Variants in SCFD2 observed in about 807,000 individuals in gnomAD.
SCFD2 encodes the protein sec1 family domain containing 2.
A neutral mutation model predicts 58.9 loss-of-function variants in SCFD2; 54 were observed. That is an observed-to-expected ratio of 0.92 (90% CI 0.74 to 1.15). The LOEUF (loss-of-function observed/expected upper bound fraction) is 1.15. Among genes scored for constraint, SCFD2 ranks in the 50% most tolerant of loss-of-function variants. The pLI, the probability that SCFD2 is intolerant of heterozygous loss-of-function variation, is 0.00. For missense variants in SCFD2, 805 were observed against 836.6 expected (o/e 0.96, Z 0.47); for synonymous variants, 321 against 335.9 (o/e 0.96, Z 0.49).
chr4:53,329,251 A>G (rs886484181), intron 2 of SCFD2, among the ~76,000 whole-genome samples: 1 of 152,212 alleles, frequency 6.6e-6, no homozygotes, highest in African/African-American at 2.4e-5. Context: ...CCACAGCTCA[A>G]GGAGGCCTGC....
Position 53,356,840 on chromosome 4 carries a change from C to A in SCFD2, c.839-4074G>T, listed in dbSNP as rs183828776. 7.8e-3 allele frequency among the ~76,000 whole-genome samples: 1,185 copies of A among 151,466 alleles called. 13 individuals carry two copies. Among genetic ancestry groups the A allele is most frequent in the Middle Eastern group, 0.044 (13 of 294 alleles). ...CAAGCTCCACCTCCTCGGTTCACGC[C>A]ATTCTCCTGCCTCAGCCTCCGGAGT... On this transcript the variant is annotated intron_variant, in intron 1 of 8. Coordinates refer to ENST00000401642, the MANE Select transcript of SCFD2 (RefSeq NM_152540.4).
chr4:53,108,645 C>A (rs1371894507), intron 5 of SCFD2, among the ~76,000 whole-genome samples: 1 of 152,178 alleles, frequency 6.6e-6, no homozygotes, highest in Non-Finnish European at 1.5e-5. Flanking sequence ...TGAACACATA[C>A]ACCCTCCCAA....
At chr4:52,979,074 G>A (rs909039293) in intron 5 of SCFD2, among the ~76,000 whole-genome samples, 2 of 149,382 alleles carry the variant, frequency 1.3e-5, no homozygotes, top group African/African-American at 4.9e-5. Flanking sequence ...TTGGGGGGGG[G>A]AGTAGTTAAG....
chr4:52,900,156 A>C (rs1055552483), intron 7 of SCFD2, among the ~76,000 whole-genome samples: 2 of 152,118 alleles, frequency 1.3e-5, no homozygotes, highest in Non-Finnish European at 2.9e-5. Context: ...AACTCGTCAA[A>C]GTCATTCTCC....
At chr4:53,289,535 A>G (rs1359133178) in intron 3 of SCFD2, among the ~76,000 whole-genome samples, 4 of 152,176 alleles carry the variant, frequency 2.6e-5, no homozygotes, top group Non-Finnish European at 4.4e-5. Context: ...CTACTAAATC[A>G]CAGAAGCAAA....
At chr4:53,018,988 G>T (rs1722281436) in intron 5 of SCFD2, among the ~76,000 whole-genome samples, 1 of 152,166 alleles carries the variant, frequency 6.6e-6, no homozygotes, top group Non-Finnish European at 1.5e-5. Context: ...GAATAATAGT[G>T]TTGGAATGAT....
chr4:53,268,103 G>T (rs1415879067), intron 4 of SCFD2, among the ~76,000 whole-genome samples: 1 of 152,110 alleles, frequency 6.6e-6, no homozygotes, highest in Non-Finnish European at 1.5e-5. Context: ...GCTTAGGGCA[G>T]GTTGTCAGAG....
chr4:52,981,990 T>C lies in SCFD2; in HGVS notation c.1562-61120A>G, dbSNP rs147504040. ...AAGAAGGAAATGGATTTGAGATGTA[T>C]TTTAGAATTAGAATCAAGAGGACTT... On this transcript the variant is annotated intron_variant, in intron 5 of 8. Coordinates refer to ENST00000401642, the MANE Select transcript of SCFD2 (RefSeq NM_152540.4). 6.2e-4 allele frequency among the ~76,000 whole-genome samples: 94 copies of C among 152,202 alleles called. 1 individual carries two copies. Among genetic ancestry groups the C allele is most frequent in the African/African-American group, 2.3e-3 (94 of 41,514 alleles).
chr4:52,968,539 G>A (rs1721017443), intron 5 of SCFD2, among the ~76,000 whole-genome samples: 1 of 152,124 alleles, frequency 6.6e-6, no homozygotes, highest in African/African-American at 2.4e-5. Context: ...ATGTAGCCGT[G>A]GTTGGCTGAC....
intron 2 of SCFD2, among the ~76,000 whole-genome samples, chr4:53,351,244 T>C (rs1028121884): frequency 6.6e-6 from 1 of 152,206 alleles, no homozygotes; most frequent in African/African-American, 2.4e-5. Context: ...AATGAGGTCA[T>C]CTCTCACTGA....
rs367550541 is a variant in SCFD2, at chr4:53,243,984, G to C, written c.1311+29842C>G. On this transcript the variant is annotated intron_variant, in intron 4 of 8. Transcript: ENST00000401642. ...ACCAACAAAGATCAAAAAAGACAGA[G>C]AAGGACATAATAGAAAATACATTAT... is the stretch of plus-strand genomic sequence containing the variant. 3.9e-5 allele frequency among the ~76,000 whole-genome samples: 6 copies of C among 152,138 alleles called. No individual in the cohort carries two copies. The South Asian group carries it at 1.2e-3, about 32-fold the overall frequency.
chr4:53,206,904 G>A (rs2148974279), intron 4 of SCFD2, among the ~76,000 whole-genome samples: 1 of 152,144 alleles, frequency 6.6e-6, no homozygotes, highest in East Asian at 1.9e-4. Flanking sequence ...TGCTATAAGA[G>A]AATACAAAGA....
At chr4:52,947,839 G>C (rs1720475710) in intron 5 of SCFD2, among the ~76,000 whole-genome samples, 1 of 151,452 alleles carries the variant, frequency 6.6e-6, no homozygotes, top group Non-Finnish European at 1.5e-5. Context: ...TGAACAGAGT[G>C]AAAAGCTAAG....
intron 4 of SCFD2, among the ~76,000 whole-genome samples, chr4:53,199,991 C>T (rs1168474848): frequency 6.6e-6 from 1 of 151,564 alleles, no homozygotes; most frequent in Non-Finnish European, 1.5e-5. Context: ...AGAGAGAATG[C>T]AAGTTCTCTT....
chr4:52,964,460 T>A (rs1045611805), intron 5 of SCFD2, among the ~76,000 whole-genome samples: 5 of 152,202 alleles, frequency 3.3e-5, no homozygotes, highest in African/African-American at 1.2e-4. Context: ...GGGGTTCACA[T>A]ATTCCCAAAA....
At chr4:53,249,412 T>G (rs1381652370) in intron 4 of SCFD2, among the ~76,000 whole-genome samples, 1 of 152,128 alleles carries the variant, frequency 6.6e-6, no homozygotes, top group African/African-American at 2.4e-5. Flanking sequence ...ACTTCCCCAA[T>G]CTAGCAAGGC....
intron 5 of SCFD2, among the ~76,000 whole-genome samples, chr4:53,079,242 G>A (rs1724071066): frequency 1.3e-5 from 2 of 152,106 alleles, no homozygotes; most frequent in South Asian, 2.1e-4. Context: ...TGATGTCTGG[G>A]GGGCAGAAGA....
At chr4:52,894,715 T>C (rs1179394560) in intron 7 of SCFD2, among the ~76,000 whole-genome samples, 2 of 152,208 alleles carry the variant, frequency 1.3e-5, no homozygotes, top group African/African-American at 4.8e-5. Context: ...CAGCTTTGTG[T>C]GGCTAACCGC....
chr4:53,170,060 T>C (rs1412126285), intron 4 of SCFD2, among the ~76,000 whole-genome samples: 1 of 152,228 alleles, frequency 6.6e-6, no homozygotes, highest in Non-Finnish European at 1.5e-5. Context: ...TTATCTATTT[T>C]GTTGCTGGAG....
Sources: gnomAD v4.1 joint callset for allele counts (sites outside exome capture counted in the v4.1 genomes callset) on GRCh38, gnomAD v4.1.1 for gene constraint, MANE v1.5 for transcripts, NCBI Gene and HGNC (gene_info 2026-07-23, HGNC 2026-07-21) for gene names.